GPHN: variants seen among roughly 807,000 people sequenced by gnomAD.
The protein encoded by GPHN is gephyrin.
A neutral mutation model predicts 95.5 loss-of-function variants in GPHN; 17 were observed. The ratio of observed to expected loss-of-function variants is 0.18; its 90% confidence interval spans 0.12 to 0.27. The LOEUF (loss-of-function observed/expected upper bound fraction) is 0.27, where lower values mean the gene tolerates loss of function less well. Ranked by LOEUF, GPHN falls within the 10% of genes least tolerant of loss-of-function variation. GPHN has a pLI of 1.00. For missense variants in GPHN, 660 were observed against 978.1 expected (o/e 0.67, Z 4.34); for synonymous variants, 320 against 322.5 (o/e 0.99, Z 0.08).
chr14:67,113,068 C>G lies in GPHN; in HGVS notation c.1523C>G (p.Thr508Ser). 4.3e-6 allele frequency: 7 copies of G among 1,613,456 alleles called. No individual in the cohort carries two copies. The highest frequency in any genetic ancestry group is 5.9e-6 in the Non-Finnish European group (7 of 1,179,428). The change falls in exon 16 of 23, where the codon ACC (threonine) becomes AGC (serine). Residue 508 changes from threonine to serine, a missense_variant. Coordinates refer to ENST00000478722, the MANE Select transcript of GPHN (RefSeq NM_020806.5). ...GGGGAATGTGTTTTGGCCAAAGGAA[C>G]CCACATGGGCCCCTCAGAGATTGGT... ...KRGECVLAKGTHMGPSEIGLL... is the reference protein window; with the variant it reads ...KRGECVLAKGSHMGPSEIGLL...
At chr14:67,494,174 G>A in the GPHN span, among the ~76,000 whole-genome samples, 13 of 152,168 alleles carry the variant, frequency 8.5e-5, no homozygotes, top group East Asian at 7.7e-4. Context: ...AAAATATGGC[G>A]CCAAACAGCA....
chr14:67,268,737 C>A, the GPHN span, among the ~76,000 whole-genome samples: 3 of 152,140 alleles, frequency 2.0e-5, no homozygotes, highest in Admixed American at 6.5e-5. Flanking sequence ...CTTCTTTACC[C>A]CAACCTGTTT....
At chr14:67,329,166 G>C in the GPHN span, among the ~76,000 whole-genome samples, 14 of 152,318 alleles carry the variant, frequency 9.2e-5, no homozygotes, top group East Asian at 1.2e-3. Context: ...GCAGTGGTTT[G>C]TAGTTCTCCT....
chr14:67,052,358 A>G (rs1448349544), intron 10 of GPHN, among the ~76,000 whole-genome samples: 1 of 152,074 alleles, frequency 6.6e-6, no homozygotes, highest in Non-Finnish European at 1.5e-5. Flanking sequence ...AAAAAGATCA[A>G]AAAAGACAAG....
At chr14:67,489,601 G>C in the GPHN span, among the ~76,000 whole-genome samples, 1 of 152,114 alleles carries the variant, frequency 6.6e-6, no homozygotes. Flanking sequence ...TCACTCCTTT[G>C]CGATGCCGTC....
chr14:66,814,153 G>A (rs563892466), intron 3 of GPHN, among the ~76,000 whole-genome samples: 4 of 152,116 alleles, frequency 2.6e-5, no homozygotes, highest in Non-Finnish European at 5.9e-5. Context: ...GAGCTGGCAA[G>A]TCTCACTCCT....
intron 3 of GPHN, among the ~76,000 whole-genome samples, chr14:66,777,518 C>A (rs1463062500): frequency 1.3e-5 from 2 of 151,754 alleles, no homozygotes; most frequent in East Asian, 3.9e-4. Context: ...GAGACACAAC[C>A]AAAAAAGAGA....
At chr14:67,485,432 C>T in the GPHN span, among the ~76,000 whole-genome samples, 1 of 152,230 alleles carries the variant, frequency 6.6e-6, no homozygotes, top group South Asian at 2.1e-4. Flanking sequence ...CTAGGAGAGT[C>T]AAGATCTACC....
chr14:67,691,933 A>G, the GPHN span: 1 of 154,238 alleles, frequency 6.5e-6, no homozygotes, highest in Non-Finnish European at 1.4e-5. Context: ...ACATGATGCC[A>G]GCTCGGGTTC....
At chr14:67,497,810 A>G in the GPHN span, among the ~76,000 whole-genome samples, 1 of 151,448 alleles carries the variant, frequency 6.6e-6, no homozygotes, top group African/African-American at 2.4e-5. Context: ...TCACCCACAC[A>G]GTACACCTGT....
chr14:67,693,074 T>C, the GPHN span: 2 of 1,538,660 alleles, frequency 1.3e-6, no homozygotes, highest in Non-Finnish European at 9.0e-7. Flanking sequence ...GAAGGAGAGC[T>C]CATCAATTCT....
At chr14:67,341,541 C>T in the GPHN span, among the ~76,000 whole-genome samples, 9 of 151,612 alleles carry the variant, frequency 5.9e-5, no homozygotes, top group East Asian at 5.9e-4. Flanking sequence ...CCTGGCCAGC[C>T]GCCCCGTCCG....
the GPHN span, among the ~76,000 whole-genome samples, chr14:67,488,342 T>C: frequency 2.0e-5 from 3 of 152,232 alleles, no homozygotes; most frequent in African/African-American, 7.2e-5. Flanking sequence ...GTGGGGGAAC[T>C]GAAACTCACT....
At chr14:67,705,633 T>G in the GPHN span, among the ~76,000 whole-genome samples, 1 of 152,202 alleles carries the variant, frequency 6.6e-6, no homozygotes, top group Non-Finnish European at 1.5e-5. Flanking sequence ...GTTAGTGGTG[T>G]TGTACCAATG....
chr14:66,852,771 A>G (rs565259923), intron 4 of GPHN, among the ~76,000 whole-genome samples: 1 of 152,344 alleles, frequency 6.6e-6, no homozygotes, highest in East Asian at 1.9e-4. Context: ...GTTTTCAAAG[A>G]TGAAGAATTC....
chr14:67,387,383 G>C, the GPHN span: 1 of 1,610,870 alleles, frequency 6.2e-7, no homozygotes, highest in Non-Finnish European at 8.5e-7. Context: ...CCTTGCTGCT[G>C]GCCTGAATGT....
At chr14:66,985,526 A>C (rs1333315738) in intron 9 of GPHN, among the ~76,000 whole-genome samples, 1 of 152,150 alleles carries the variant, frequency 6.6e-6, no homozygotes, top group East Asian at 1.9e-4. Context: ...AGAGCATGTC[A>C]TACAGCCTCT....
rs548645088 is a variant in GPHN, at chr14:66,933,324, A to C, written c.828+9032A>C. Reference sequence around the variant, plus strand: ...AGCACTAACTTTATTAATGAGTCCCACTGGTTCTGAATGACCTGGTGTGTT... The same window carrying C: ...AGCACTAACTTTATTAATGAGTCCCCCTGGTTCTGAATGACCTGGTGTGTT... On this transcript the variant is annotated intron_variant, in intron 8 of 22. Coordinates refer to ENST00000478722, the MANE Select transcript of GPHN (RefSeq NM_020806.5). 2.4e-3 allele frequency among the ~76,000 whole-genome samples: 364 copies of C among 152,330 alleles called. 4 individuals are homozygous for C. Among genetic ancestry groups the C allele is most frequent in the African/African-American group, 8.2e-3 (343 of 41,580 alleles).
At chr14:66,553,767 G>T (rs533164710) in intron 1 of GPHN, among the ~76,000 whole-genome samples, 24 of 152,126 alleles carry the variant, frequency 1.6e-4, no homozygotes, top group Admixed American at 1.1e-3. Flanking sequence ...AGTAGAGACG[G>T]GGTTTCACCT....
Sources: allele counts gnomAD v4.1 joint callset (sites outside exome capture counted in the v4.1 genomes callset), GRCh38; gene constraint gnomAD v4.1.1; transcripts MANE v1.5; gene names NCBI Gene and HGNC (gene_info 2026-07-23, HGNC 2026-07-21).